ADARB1: variants seen among roughly 807,000 people sequenced by gnomAD.
ADARB1 encodes the protein adenosine deaminase RNA specific B1, also known as double-stranded RNA-specific editase 1.
ADARB1 carries 10 observed loss-of-function variants against 52.4 expected under a neutral mutation model. The observed-to-expected ratio is 0.19, with a 90% CI of 0.12 to 0.32. The LOEUF (loss-of-function observed/expected upper bound fraction) is 0.32. ADARB1 is among the 10% of genes least tolerant of loss of function. The probability of loss-of-function intolerance (pLI) is 1.00; values close to 1 mark genes in which losing one functional copy is unlikely to be tolerated. For synonymous variants in ADARB1, 349 were observed against 371.1 expected (o/e 0.94, Z 0.68); for missense variants, 643 against 922.3 (o/e 0.70, Z 3.92).
chr21:45,216,138 AT>A (rs971344274), intron 9 of ADARB1, among the ~76,000 whole-genome samples: 4 of 152,124 alleles, frequency 2.6e-5, no homozygotes, highest in Non-Finnish European at 4.4e-5. Context: ...TCATTTTAAT[AT>A]CTGTGATATC....
chr21:45,146,217 C>T (rs2090000342), intron 2 of ADARB1: 2 of 152,126 alleles, frequency 1.3e-5, no homozygotes, highest in Non-Finnish European at 1.5e-5. Flanking sequence ...GCACCTGATC[C>T]GTTCTGCCGG....
At chr21:45,115,374 C>T (rs1021644055) in intron 1 of ADARB1, among the ~76,000 whole-genome samples, 8 of 152,192 alleles carry the variant, frequency 5.3e-5, no homozygotes, top group African/African-American at 1.4e-4. Context: ...AAGCTGTCTG[C>T]TGAATTGGTT....
At chr21:45,140,554 G>A (rs1180729353) in intron 2 of ADARB1, among the ~76,000 whole-genome samples, 1 of 152,166 alleles carries the variant, frequency 6.6e-6, no homozygotes, top group African/African-American at 2.4e-5. Flanking sequence ...CTAAGACTCA[G>A]TGGAGGAGGC....
chr21:45,208,029 G>A lies in ADARB1; in HGVS notation c.1747+3293G>A, dbSNP rs541812790. Among the ~76,000 whole-genome samples, 4 of 152,300 alleles carry A rather than the reference G, an allele frequency of 2.6e-5. No individual in the cohort carries two copies. In the South Asian group the frequency reaches 8.3e-4, roughly 32 times the overall value. Reference sequence around the variant, plus strand: ...TTGCCTTTGTGGGTATACACACTTGGTACCCTTGCTTAGCACTGTGGAAGA... The same window carrying A: ...TTGCCTTTGTGGGTATACACACTTGATACCCTTGCTTAGCACTGTGGAAGA... On this transcript the variant is annotated intron_variant, in intron 9 of 10. Coordinates refer to ENST00000348831, the MANE Select transcript of ADARB1 (RefSeq NM_001112.4). This position sits in a 1 kb window ranked among gnomAD's most constrained non-coding sequence, Gnocchi z 5.6.
intron 1 of ADARB1, among the ~76,000 whole-genome samples, chr21:45,103,046 T>C (rs1490342067): frequency 2.0e-5 from 3 of 152,038 alleles, no homozygotes; most frequent in African/African-American, 7.2e-5. Context: ...TCCTGTACCA[T>C]GAGAAAAACA....
chr21:45,125,545 G>A (rs2088522110), intron 1 of ADARB1, among the ~76,000 whole-genome samples: 1 of 152,266 alleles, frequency 6.6e-6, no homozygotes, highest in African/African-American at 2.4e-5. Flanking sequence ...TCTGGACCTG[G>A]CAGTACCACG....
intron 4 of ADARB1, among the ~76,000 whole-genome samples, chr21:45,178,769 T>C (rs1357322581): frequency 1.3e-5 from 2 of 152,136 alleles, no homozygotes; most frequent in Admixed American, 1.3e-4. Flanking sequence ...TTTGTTCTTA[T>C]ATCTGTCCCC....
chr21:45,159,366 G>C (rs886295490), intron 2 of ADARB1, among the ~76,000 whole-genome samples: 1 of 152,124 alleles, frequency 6.6e-6, no homozygotes, highest in Non-Finnish European at 1.5e-5. Flanking sequence ...TCTCCCACTG[G>C]GTCCCTCCCA....
Position 45,204,646 on chromosome 21 carries a change from G to A in ADARB1, c.1657G>A (p.Gly553Arg), listed in dbSNP as rs183042891. 9.9e-6 allele frequency: 16 copies of A among 1,614,104 alleles called. No homozygotes were observed. Among genetic ancestry groups the A allele is most frequent in the East Asian group, 2.2e-5 (1 of 44,878 alleles). The part of the protein sequence containing the change: ...SSIILGSLYH[G>R]DHLSRAMYQR... Reference sequence around the variant, plus strand: ...CATCATCCTGGGCAGCCTTTACCACGGGGACCACCTTTCCAGGGCCATGTA... The same window carrying A: ...CATCATCCTGGGCAGCCTTTACCACAGGGACCACCTTTCCAGGGCCATGTA... Residue 553 changes from glycine (G) to arginine (R), a missense_variant, in exon 9 of 11, where the codon GGG becomes AGG. Gly to Arg is a moderately radical substitution (Grantham distance 125, BLOSUM62 -2). Coordinates refer to ENST00000348831, the MANE Select transcript of ADARB1 (RefSeq NM_001112.4). The surrounding 1 kb of genome is among the most constrained non-coding windows in gnomAD (Gnocchi z 4.4).
intron 4 of ADARB1, among the ~76,000 whole-genome samples, chr21:45,178,218 C>T (rs1164457920): frequency 6.6e-6 from 1 of 152,246 alleles, no homozygotes. Context: ...ACCCCTGCCT[C>T]CCTGGCTTGG....
At chr21:45,094,494 C>G (rs1161879862) in intron 1 of ADARB1, among the ~76,000 whole-genome samples, 1 of 152,196 alleles carries the variant, frequency 6.6e-6, no homozygotes, top group Non-Finnish European at 1.5e-5. Context: ...GGCACCACTA[C>G]CATCAGCCTC....
Position 45,220,210 on chromosome 21 carries a change from C to A in ADARB1, c.1748-626C>A, listed in dbSNP as rs2092938214. Among the ~76,000 whole-genome samples the A allele has an allele frequency of 6.6e-6, 1 of 152,022 alleles. No homozygotes were observed. Among genetic ancestry groups the A allele is most frequent in the African/African-American group, 2.4e-5 (1 of 41,366 alleles). On this transcript the variant is annotated intron_variant, in intron 9 of 10. Coordinates refer to ENST00000348831, the MANE Select transcript of ADARB1 (RefSeq NM_001112.4). The surrounding 1 kb of genome is among the most constrained non-coding windows in gnomAD (Gnocchi z 6.3). ...AGTTAGTACAAGTTTATTTTGGTGC[C>A]AAAAAATTTTGAAATCCATGAGGTT...
chr21:45,202,667 C>G (rs1205978323), intron 8 of ADARB1, among the ~76,000 whole-genome samples: 1 of 152,204 alleles, frequency 6.6e-6, no homozygotes, highest in Admixed American at 6.5e-5. Flanking sequence ...CTCCCTGTCC[C>G]CACACTGCCC....
At chr21:45,203,408 A>G (rs2838810) in intron 8 of ADARB1, among the ~76,000 whole-genome samples, 22,510 of 152,082 alleles carry the variant, frequency 0.15, 2,284 homozygotes, top group African/African-American at 0.28. Context: ...CTCAATTTAT[A>G]GTTCTTCATT....
chr21:45,085,175 T>C lies in ADARB1; in HGVS notation c.-220+10382T>C, dbSNP rs962175826. 2.0e-5 allele frequency among the ~76,000 whole-genome samples: 3 copies of C among 152,192 alleles called. No individual in the cohort carries two copies. In the East Asian group the frequency reaches 5.8e-4, roughly 29 times the overall value. Reference sequence around the variant, plus strand: ...AGGGACCTGCTCCCTCAAATTTCTATCATTTGAGGTGAGGTTTCGTGTTGG... The same window carrying C: ...AGGGACCTGCTCCCTCAAATTTCTACCATTTGAGGTGAGGTTTCGTGTTGG... On this transcript the variant is annotated intron_variant, in intron 1 of 10. Transcript: ENST00000348831.
chr21:45,095,852 C>A (rs1027363626), intron 1 of ADARB1, among the ~76,000 whole-genome samples: 8 of 152,242 alleles, frequency 5.3e-5, no homozygotes, highest in African/African-American at 1.9e-4. Context: ...GGGTCTCCCA[C>A]AGCCAGATCA....
In ADARB1 at chr21:45,175,759, C is replaced by T. The variant is rs142180298; in HGVS notation, c.58C>T (p.Arg20Cys). 105 of 1,613,962 alleles carry T rather than the reference C, an allele frequency of 6.5e-5. No homozygotes were observed. Among genetic ancestry groups the T allele is most frequent in the Admixed American group, 1.2e-4 (7 of 59,996 alleles). The change falls in exon 4 of 11, where the codon CGC becomes TGC. Residue 20 changes from arginine (R) to cysteine (C), a missense_variant. Physicochemically the swap from Arg to Cys is radical, Grantham distance 180. Transcript: ENST00000348831. ...SSSSTDVKEN[R>C]NLDNVSPKDG... The stretch of plus-strand genomic sequence containing the variant: ...CAGCAGCACTGATGTGAAGGAAAAC[C>T]GCAATCTGGACAACGTGTCCCCCAA...
In ADARB1 at chr21:45,200,391, C is replaced by T. The variant is rs911585253; in HGVS notation, c.1566-4164C>T. Among the ~76,000 whole-genome samples the T allele has an allele frequency of 4.6e-5, 7 of 152,110 alleles. No individual in the cohort carries two copies. Among genetic ancestry groups the T allele is most frequent in the South Asian group, 2.1e-4 (1 of 4,822 alleles). ...ACGGTGATTATGTTGGCGCGGGAGC[C>T]GTGGGAAGGAACGAGAGTCTTGGTT... On this transcript the variant is annotated intron_variant, in intron 8 of 10. Coordinates refer to ENST00000348831, the MANE Select transcript of ADARB1 (RefSeq NM_001112.4). The surrounding 1 kb of genome is among the most constrained non-coding windows in gnomAD (Gnocchi z 5.0).
chr21:45,180,874 G>GA (rs1366417746), intron 5 of ADARB1, among the ~76,000 whole-genome samples: 7 of 152,104 alleles, frequency 4.6e-5, no homozygotes, highest in Non-Finnish European at 1.0e-4. Context: ...AATCCGTGGG[G>GA]AAAAAAAGCA....
Sources: allele counts gnomAD v4.1 joint callset (sites outside exome capture counted in the v4.1 genomes callset), GRCh38; gene constraint gnomAD v4.1.1; non-coding constraint Gnocchi (gnomAD v3.1); transcripts MANE v1.5; gene names NCBI Gene and HGNC (gene_info 2026-07-23, HGNC 2026-07-21).